Variants in USP37 observed in about 807,000 individuals in gnomAD.
USP37 encodes the protein ubiquitin carboxyl-terminal hydrolase 37.
Under a neutral mutation model 124.0 loss-of-function variants are expected in USP37, and 27 were observed. The observed-to-expected ratio is 0.22, with a 90% confidence interval of 0.16 to 0.30. The LOEUF is 0.30. Ranked by LOEUF, USP37 falls within the 10% of genes least tolerant of loss-of-function variation. USP37 has a pLI of 1.00. For missense variants in USP37, 889 were observed against 1,140.4 expected (o/e 0.78, Z 3.17); for synonymous variants, 365 against 388.0 (o/e 0.94, Z 0.70).
At chr2:218,523,389 A>G (rs778078105) in intron 10 of USP37, among the ~76,000 whole-genome samples, 5 of 152,244 alleles carry the variant, frequency 3.3e-5, no homozygotes, top group Non-Finnish European at 5.9e-5. Context: ...TTTGTGCATT[A>G]TATCAGCACT....
chr2:218,482,571 G>GT (rs1691320867), intron 16 of USP37, among the ~76,000 whole-genome samples: 1 of 152,228 alleles, frequency 6.6e-6, no homozygotes, highest in African/African-American at 2.4e-5. Context: ...CTGTTACATA[G>GT]TTTAAAAAGC....
chr2:218,499,471 A>C (rs1689253811), intron 11 of USP37, among the ~76,000 whole-genome samples: 1 of 152,164 alleles, frequency 6.6e-6, no homozygotes, highest in South Asian at 2.1e-4. Context: ...AAACCCCTTT[A>C]GTTCTAAATA....
At chr2:218,522,038 C>CTTTT (rs35206236) in intron 10 of USP37, among the ~76,000 whole-genome samples, 3 of 116,786 alleles carry the variant, frequency 2.6e-5, no homozygotes, top group East Asian at 2.8e-4. Flanking sequence ...CCACACGTGG[C>CTTTT]TTTTTTTTTT....
In USP37 at chr2:218,565,635, T is replaced by C. The variant is rs1202137669; in HGVS notation, c.-230+2543A>G. ...CAAGCTTTGCTTCCAAAAGACATGA[T>C]GGTTCTTACAGCAACTTCCAGCTTA... On this transcript the variant is annotated intron_variant, in intron 1 of 25. Transcript: ENST00000258399. 3.3e-5 allele frequency among the ~76,000 whole-genome samples: 5 copies of C among 152,240 alleles called. No individual in the cohort carries two copies. The East Asian group carries it at 7.7e-4, about 23-fold the overall frequency.
At chr2:218,541,552 C>T (rs997363719) in intron 8 of USP37, among the ~76,000 whole-genome samples, 2 of 151,842 alleles carry the variant, frequency 1.3e-5, no homozygotes, top group Non-Finnish European at 2.9e-5. Flanking sequence ...CTCGGTAATG[C>T]CATTCAGTCA....
At chr2:218,507,150 A>ATATT (rs1213795359) in intron 11 of USP37, among the ~76,000 whole-genome samples, 28 of 151,160 alleles carry the variant, frequency 1.9e-4, no homozygotes, top group African/African-American at 4.1e-4. Context: ...GTATTTAATT[A>ATATT]TATTTATTTA....
intron 10 of USP37, among the ~76,000 whole-genome samples, chr2:218,515,034 A>G (rs1559199764): frequency 6.6e-6 from 1 of 152,132 alleles, no homozygotes; most frequent in Non-Finnish European, 1.5e-5. Flanking sequence ...TTCTGGCACC[A>G]CAAGATGTTA....
intron 10 of USP37, among the ~76,000 whole-genome samples, chr2:218,526,171 C>T (rs1450661012): frequency 6.6e-6 from 1 of 152,082 alleles, no homozygotes; most frequent in East Asian, 1.9e-4. Context: ...GTCTTTATAA[C>T]AGAATGGTTT....
intron 10 of USP37, among the ~76,000 whole-genome samples, chr2:218,512,235 G>A (rs1000408242): frequency 6.6e-6 from 1 of 152,082 alleles, no homozygotes. Flanking sequence ...GGCTGGGCAC[G>A]GTGGCTCACA....
intron 9 of USP37, among the ~76,000 whole-genome samples, chr2:218,531,843 A>G (rs999694062): frequency 3.3e-5 from 5 of 152,252 alleles, no homozygotes; most frequent in Non-Finnish European, 2.9e-5. Context: ...CAAGAGAACT[A>G]CAAGTGGAGC....
In USP37 at chr2:218,454,819, T is replaced by C; in HGVS notation, c.*111A>G. 2.0e-6 allele frequency: 3 copies of C among 1,528,206 alleles called. No homozygotes were observed. Among genetic ancestry groups the C allele is most frequent in the Non-Finnish European group, 1.7e-6 (2 of 1,144,156 alleles). 94.7% of individuals were successfully genotyped at this position (1,528,206 alleles called of 1,614,324 possible). A position where few individuals can be genotyped will look rare whatever the true frequency, so the allele number is the denominator to read the frequency against. On this transcript the variant is annotated 3_prime_UTR_variant, in exon 26 of 26. Transcript: ENST00000258399. ...GTCTTTTGGTTTGGCCCTGAGCTGT[T>C]TGTTGCTCCCGCATCAAGTAGAATT...
intron 9 of USP37, among the ~76,000 whole-genome samples, 184 bp from the exon 10 acceptor site, chr2:218,530,224 G>GT (rs1315121249): frequency 6.6e-6 from 1 of 151,730 alleles, no homozygotes; most frequent in Admixed American, 6.6e-5. Context: ...AGGTTTTTTT[G>GT]TATGTTTTTT....
At chr2:218,532,528 C>T (rs182494133) in intron 9 of USP37, among the ~76,000 whole-genome samples, 1 of 151,716 alleles carries the variant, frequency 6.6e-6, no homozygotes, top group East Asian at 1.9e-4. Flanking sequence ...TCAGCAACCA[C>T]CACCCTAATT....
chr2:218,483,821 C>CA (rs1691392301), intron 16 of USP37, among the ~76,000 whole-genome samples: 1 of 152,134 alleles, frequency 6.6e-6, no homozygotes, highest in African/African-American at 2.4e-5. Context: ...TTCCTGGCCT[C>CA]AAACCACTCA....
intron 1 of USP37, among the ~76,000 whole-genome samples, chr2:218,564,804 T>C (rs960024090): frequency 5.0e-4 from 76 of 152,336 alleles, no homozygotes; most frequent in African/African-American, 1.8e-3. Context: ...CATCACTACC[T>C]AGAAAATAAA....
rs763910013 is a variant in USP37, at chr2:218,565,887, AG to A, written c.-230+2290del. On this transcript the variant is annotated intron_variant, in intron 1 of 25. Transcript: ENST00000258399. ...AACATGGTGAAACCTTGTCTCCATT[AG>A]AAATACAAAAATTAGCCGGGCATGG... 1.6e-4 allele frequency among the ~76,000 whole-genome samples: 24 copies of A among 152,170 alleles called. 1 individual carries two copies. The highest frequency in any genetic ancestry group is 2.9e-4 in the Non-Finnish European group (20 of 68,026).
intron 1 of USP37, among the ~76,000 whole-genome samples, chr2:218,563,266 G>A (rs1693411363): frequency 1.3e-5 from 2 of 151,648 alleles, no homozygotes; most frequent in Admixed American, 1.3e-4. Context: ...AAAATATGAT[G>A]CACAACACAC....
At chr2:218,501,935 A>G (rs912991817) in intron 11 of USP37, among the ~76,000 whole-genome samples, 4 of 152,206 alleles carry the variant, frequency 2.6e-5, no homozygotes, top group Non-Finnish European at 5.9e-5. Flanking sequence ...CAGAACTCAC[A>G]CAGGGACTAA....
At chr2:218,544,622 G>T (rs1692222510) in intron 8 of USP37, among the ~76,000 whole-genome samples, 1 of 151,942 alleles carries the variant, frequency 6.6e-6, no homozygotes, top group African/African-American at 2.4e-5. Flanking sequence ...ATCTGCCAGA[G>T]GGCAAAGCCA....
Sources: gnomAD v4.1 joint callset for allele counts (sites outside exome capture counted in the v4.1 genomes callset) on GRCh38, gnomAD v4.1.1 for gene constraint, MANE v1.5 for transcripts, NCBI Gene and HGNC (gene_info 2026-07-23, HGNC 2026-07-21) for gene names.